The following RRAS2 variants were observed in gnomAD, a reference collection of about 807,000 sequenced individuals.
RRAS2 encodes the protein RAS related 2.
A neutral mutation model predicts 27.6 loss-of-function variants in RRAS2; 7 were observed. The observed-to-expected ratio is 0.25, with a 90% CI of 0.14 to 0.48. The LOEUF is 0.48. Among genes scored for constraint, RRAS2 ranks in the 20% least tolerant of loss-of-function variants. The pLI, the probability that RRAS2 is intolerant of heterozygous loss-of-function variation, is 0.99. For synonymous variants in RRAS2, 86 were observed against 90.9 expected, an observed-to-expected ratio of 0.95 and a Z score of 0.31; for missense variants, 178 against 256.2, an observed-to-expected ratio of 0.69 and a Z score of 2.08.
intron 1 of RRAS2, among the ~76,000 whole-genome samples, chr11:14,324,602 C>T (rs1215309179): frequency 2.6e-5 from 4 of 152,068 alleles, no homozygotes; most frequent in Admixed American, 2.0e-4. Context: ...AAGAAAATAG[C>T]CAAGAAATTG....
At chr11:14,311,333 C>T (rs1847960062) in intron 1 of RRAS2, among the ~76,000 whole-genome samples, 1 of 152,044 alleles carries the variant, frequency 6.6e-6, no homozygotes, top group Non-Finnish European at 1.5e-5. Flanking sequence ...GGCAACAGAG[C>T]GAGAATCTGT....
rs1033299984 is a variant in RRAS2 at position 14,359,150 on chromosome 11, A to T, written c.-280T>A. On this transcript the variant is annotated 5_prime_UTR_variant, in exon 1 of 6. Transcript: ENST00000256196. ...TACGCGTCTCCGCAGCGCCTGCCGA[A>T]CGCAGCCTCCAGCGCCGCCACAAAT... 1 of 1,001,972 alleles carries T rather than the reference A, an allele frequency of 1.0e-6. No individual in the cohort carries two copies. The highest frequency in any genetic ancestry group is 4.8e-5 in the South Asian group (1 of 20,950). 62.1% of individuals were successfully genotyped at this position (1,001,972 alleles called of 1,614,324 possible).
intron 1 of RRAS2, among the ~76,000 whole-genome samples, chr11:14,334,537 C>T (rs1554952342): frequency 6.6e-6 from 1 of 151,620 alleles, no homozygotes; most frequent in East Asian, 1.9e-4. Flanking sequence ...TACATACACA[C>T]ACACACACAC....
At chr11:14,333,047 G>A (rs1408272581) in intron 1 of RRAS2, among the ~76,000 whole-genome samples, 1 of 151,920 alleles carries the variant, frequency 6.6e-6, no homozygotes, top group East Asian at 1.9e-4. Flanking sequence ...TCTTCCCATT[G>A]TTTTATCTAT....
chr11:14,281,014 C>A (rs1554944235), intron 5 of RRAS2, among the ~76,000 whole-genome samples: 2 of 152,086 alleles, frequency 1.3e-5, no homozygotes, highest in South Asian at 2.1e-4. Context: ...CAGAAAAATT[C>A]TCTGTTGTGT....
chr11:14,296,535 G>A (rs1243892881), intron 1 of RRAS2, among the ~76,000 whole-genome samples: 1 of 152,254 alleles, frequency 6.6e-6, no homozygotes, highest in East Asian at 1.9e-4. Flanking sequence ...ATTTGAATTA[G>A]CAACCTGATT....
chr11:14,359,359 G>T (rs142651482), upstream of RRAS2, among the ~76,000 whole-genome samples: 40 of 152,388 alleles, frequency 2.6e-4, no homozygotes, highest in Non-Finnish European at 2.9e-4. Context: ...GTGGGTGTCA[G>T]TTGGGAGTGG....
chr11:14,288,058 G>T (rs1382130290), intron 4 of RRAS2, among the ~76,000 whole-genome samples: 1 of 152,182 alleles, frequency 6.6e-6, no homozygotes. Flanking sequence ...ACAGCTCACT[G>T]AAGACTCAAC....
At chr11:14,279,973 CT>C (rs1434131371) in intron 5 of RRAS2, among the ~76,000 whole-genome samples, 3 of 152,132 alleles carry the variant, frequency 2.0e-5, no homozygotes, top group Non-Finnish European at 4.4e-5. Context: ...AAAAAACCTC[CT>C]CTACTTCTCC....
intron 1 of RRAS2, among the ~76,000 whole-genome samples, chr11:14,297,987 A>G (rs1318979216): frequency 1.6e-5 from 1 of 61,000 alleles, no homozygotes; most frequent in Non-Finnish European, 3.8e-5. Context: ...TCACTTAACT[A>G]GCCTTAAAAA....
chr11:14,298,587 T>C (rs989912536), intron 1 of RRAS2, among the ~76,000 whole-genome samples: 1 of 152,212 alleles, frequency 6.6e-6, no homozygotes, highest in African/African-American at 2.4e-5. Context: ...TTTCCACTCA[T>C]ATTAATTTTT....
intron 1 of RRAS2, among the ~76,000 whole-genome samples, chr11:14,352,766 G>T (rs1235491539): frequency 4.7e-5 from 7 of 148,538 alleles, no homozygotes; most frequent in African/African-American, 1.5e-4. Flanking sequence ...TAGAGAGAGA[G>T]AGAGAGAGAG....
intron 1 of RRAS2, among the ~76,000 whole-genome samples, chr11:14,329,656 C>A (rs1475168116): frequency 6.6e-6 from 1 of 152,124 alleles, no homozygotes; most frequent in African/African-American, 2.4e-5. Flanking sequence ...CTAAAACTTG[C>A]CAATTTCTGG....
intron 4 of RRAS2, among the ~76,000 whole-genome samples, chr11:14,290,518 TAGCATGCCCCCTA>T (rs576485273): frequency 6.6e-6 from 1 of 152,262 alleles, no homozygotes; most frequent in East Asian, 1.9e-4. Flanking sequence ...TCAATTTCAA[TAGCATGCCCCCTA>T]AGGGTGGGAG....
intron 1 of RRAS2, among the ~76,000 whole-genome samples, chr11:14,299,078 T>G (rs1401472788): frequency 6.6e-6 from 1 of 152,156 alleles, no homozygotes; most frequent in Non-Finnish European, 1.5e-5. Flanking sequence ...AGGAACAAAA[T>G]CCTGTGAAGC....
intron 4 of RRAS2, among the ~76,000 whole-genome samples, chr11:14,288,400 T>C (rs1332226590): frequency 6.6e-6 from 1 of 152,242 alleles, no homozygotes; most frequent in Non-Finnish European, 1.5e-5. Context: ...TGACACAGCA[T>C]ACTTTTAACT....
At chr11:14,310,075 G>A (rs2133982009) in intron 1 of RRAS2, among the ~76,000 whole-genome samples, 1 of 152,248 alleles carries the variant, frequency 6.6e-6, no homozygotes, top group African/African-American at 2.4e-5. Context: ...TCCAAAGGAG[G>A]GCCAACAGCA....
intron 2 of RRAS2, 36 bp downstream of exon 2, chr11:14,295,732 G>C (rs782691594): frequency 6.7e-7 from 1 of 1,499,646 alleles, no homozygotes; most frequent in East Asian, 2.3e-5. Context: ...TAAAAAATAT[G>C]ATATGCAAAT....
intron 1 of RRAS2, among the ~76,000 whole-genome samples, chr11:14,324,323 C>T (rs1211659101): frequency 2.0e-5 from 3 of 151,368 alleles, no homozygotes; most frequent in Admixed American, 2.0e-4. Flanking sequence ...ATAAAAGACA[C>T]CATTTACAAC....
Sources: gnomAD v4.1 joint callset for allele counts (sites outside exome capture counted in the v4.1 genomes callset) on GRCh38, gnomAD v4.1.1 for gene constraint, MANE v1.5 for transcripts, NCBI Gene and HGNC (gene_info 2026-07-23, HGNC 2026-07-21) for gene names.